LINGO2: variants seen among roughly 807,000 people sequenced by gnomAD.
LINGO2 encodes leucine-rich repeat and immunoglobulin-like domain-containing nogo receptor-interacting protein 2.
LINGO2 carries 14 observed loss-of-function variants against 30.6 expected under a neutral mutation model. The observed-to-expected ratio is 0.46, with a 90% confidence interval of 0.30 to 0.72. The LOEUF (loss-of-function observed/expected upper bound fraction) is 0.72, where lower values mean the gene tolerates loss of function less well. Among genes scored for constraint, LINGO2 ranks in the 30% least tolerant of loss-of-function variants. LINGO2 has a pLI of 0.07. For missense variants in LINGO2, 729 were observed against 751.7 expected (o/e 0.97, Z 0.35); for synonymous variants, 317 against 288.5 (o/e 1.10, Z -1.00).
chr9:28,291,420 G>A (rs376863454), intron 4 of LINGO2, among the ~76,000 whole-genome samples: 7 of 152,166 alleles, frequency 4.6e-5, no homozygotes, highest in African/African-American at 1.7e-4. Context: ...GTTTGTCTAT[G>A]AACAGATATT....
the LINGO2 span, among the ~76,000 whole-genome samples, chr9:29,189,014 C>T: frequency 7.1e-6 from 1 of 140,312 alleles, no homozygotes; most frequent in Non-Finnish European, 1.5e-5. Context: ...GGGGGCTGAC[C>T]CCCCCACCTA....
the LINGO2 span, among the ~76,000 whole-genome samples, chr9:28,891,671 C>A: frequency 6.6e-6 from 1 of 151,890 alleles, no homozygotes; most frequent in African/African-American, 2.4e-5. Flanking sequence ...CCTTGTACTT[C>A]TATTAAGAGA....
At chr9:28,902,214 T>C in the LINGO2 span, among the ~76,000 whole-genome samples, 3 of 152,072 alleles carry the variant, frequency 2.0e-5, no homozygotes, top group African/African-American at 4.8e-5. Context: ...CAGGTATAGC[T>C]ATGCTTATAT....
chr9:28,557,586 T>G (rs1482521226), intron 1 of LINGO2, among the ~76,000 whole-genome samples: 1 of 151,978 alleles, frequency 6.6e-6, no homozygotes, highest in African/African-American at 2.4e-5. Context: ...GAAGTCAGTG[T>G]GGCGATTCCT....
chr9:28,250,338 C>T (rs1379786040), intron 4 of LINGO2, among the ~76,000 whole-genome samples: 1 of 152,180 alleles, frequency 6.6e-6, no homozygotes, highest in Non-Finnish European at 1.5e-5. Context: ...CATACGAAGT[C>T]TTTCAAAGTT....
chr9:29,165,631 AG>A, the LINGO2 span, among the ~76,000 whole-genome samples: 34 of 152,276 alleles, frequency 2.2e-4, no homozygotes, highest in African/African-American at 7.9e-4. Flanking sequence ...ATAAAATAGG[AG>A]AAGAAACTTG....
At chr9:28,781,071 G>A in the LINGO2 span, among the ~76,000 whole-genome samples, 1 of 152,062 alleles carries the variant, frequency 6.6e-6, no homozygotes, top group African/African-American at 2.4e-5. Context: ...AGTAATCTTA[G>A]AAGCCTTGTA....
chr9:28,815,815 C>T, the LINGO2 span, among the ~76,000 whole-genome samples: 2 of 152,204 alleles, frequency 1.3e-5, no homozygotes, highest in Non-Finnish European at 2.9e-5. Flanking sequence ...ATGGGATTGC[C>T]TCTAGAAGAA....
At chr9:28,897,863 A>T in the LINGO2 span, among the ~76,000 whole-genome samples, 1 of 152,070 alleles carries the variant, frequency 6.6e-6, no homozygotes, top group Non-Finnish European at 1.5e-5. Context: ...AAAGTTTCCC[A>T]TAATAGATAG....
intron 2 of LINGO2, among the ~76,000 whole-genome samples, chr9:28,422,250 T>C (rs1823225156): frequency 6.6e-6 from 1 of 152,080 alleles, no homozygotes; most frequent in Non-Finnish European, 1.5e-5. Flanking sequence ...AGTGAAAATA[T>C]TTTCAAATCA....
At chr9:28,144,314 C>G (rs1190011140) in intron 4 of LINGO2, among the ~76,000 whole-genome samples, 1 of 152,104 alleles carries the variant, frequency 6.6e-6, no homozygotes, top group Non-Finnish European at 1.5e-5. Flanking sequence ...CAGTATTTCT[C>G]AAACCTAGCT....
At chr9:28,818,889 C>T in the LINGO2 span, among the ~76,000 whole-genome samples, 31 of 152,264 alleles carry the variant, frequency 2.0e-4, no homozygotes, top group Non-Finnish European at 4.0e-4. Flanking sequence ...CTGAAAAACA[C>T]TCTTACTAAT....
chr9:28,602,671 G>A (rs562208043), intron 1 of LINGO2, among the ~76,000 whole-genome samples: 1 of 152,114 alleles, frequency 6.6e-6, no homozygotes, highest in South Asian at 2.1e-4. Flanking sequence ...ATTCTAAGAA[G>A]CTATTCAGAG....
chr9:29,150,919 A>G, the LINGO2 span, among the ~76,000 whole-genome samples: 3 of 152,240 alleles, frequency 2.0e-5, no homozygotes, highest in African/African-American at 7.2e-5. Context: ...GCAAGATACT[A>G]TACAATATGA....
rs138765173 is a variant in LINGO2 at position 28,453,840 on chromosome 9, A to G, written c.-279+22100T>C. 1.2e-3 allele frequency among the ~76,000 whole-genome samples: 183 copies of G among 152,062 alleles called. 2 individuals are homozygous for G. The highest frequency in any genetic ancestry group is 4.2e-3 in the African/African-American group (176 of 41,492). ...TTCTTTACTCAGTGTCAGTGTCTTT[A>G]GAGTTGTTTTTCTGATTAGTGGTTT... On this transcript the variant is annotated intron_variant, in intron 2 of 5. Transcript: ENST00000379992.
chr9:29,021,426 T>A, the LINGO2 span, among the ~76,000 whole-genome samples: 2 of 152,012 alleles, frequency 1.3e-5, no homozygotes, highest in African/African-American at 4.8e-5. Flanking sequence ...TGGGAGGCGA[T>A]GCGGGCGGAT....
intron 4 of LINGO2, among the ~76,000 whole-genome samples, chr9:28,189,329 GAGGAAGGA>G (rs1564028796): frequency 0.047 from 746 of 15,886 alleles, 44 homozygotes; most frequent in East Asian, 0.067. Flanking sequence ...GGAAGGGAGG[GAGGAAGGA>G]AGGAAGGGAG....
chr9:28,948,057 C>G, the LINGO2 span, among the ~76,000 whole-genome samples: 2 of 152,046 alleles, frequency 1.3e-5, no homozygotes, highest in Admixed American at 6.6e-5. Flanking sequence ...ACTTCCAATC[C>G]AATTTGATGT....
intron 5 of LINGO2, among the ~76,000 whole-genome samples, chr9:27,976,226 T>C (rs934645563): frequency 1.3e-5 from 2 of 152,126 alleles, no homozygotes; most frequent in Non-Finnish European, 2.9e-5. Context: ...TCTGCTTTTA[T>C]GGCCACTAAT....
Sources: allele counts gnomAD v4.1 joint callset (sites outside exome capture counted in the v4.1 genomes callset), GRCh38; gene constraint gnomAD v4.1.1; transcripts MANE v1.5; gene names NCBI Gene and HGNC (gene_info 2026-07-23, HGNC 2026-07-21).